The following MCTP1 variants were observed in gnomAD, a reference collection of about 807,000 sequenced individuals.
The protein encoded by MCTP1 is multiple C2 and transmembrane domain containing 1.
MCTP1 carries 69 observed loss-of-function variants against 120.6 expected under a neutral mutation model. The observed-to-expected ratio is 0.57, with a 90% CI of 0.47 to 0.70. The LOEUF is 0.70. Ranked by LOEUF, MCTP1 falls within the 30% of genes least tolerant of loss-of-function variation. MCTP1 has a pLI of 0.00. For synonymous variants in MCTP1, 529 were observed against 493.1 expected (o/e 1.07, Z -0.96); for missense variants, 1,203 against 1,248.8 (o/e 0.96, Z 0.55).
intron 1 of MCTP1, among the ~76,000 whole-genome samples, chr5:95,043,201 G>C (rs1357164160): frequency 6.6e-6 from 1 of 152,068 alleles, no homozygotes; most frequent in Non-Finnish European, 1.5e-5. Context: ...ATTTAACAAT[G>C]CATAGTTCAA....
chr5:94,946,266 T>C (rs1449481894), intron 3 of MCTP1, among the ~76,000 whole-genome samples: 1 of 152,146 alleles, frequency 6.6e-6, no homozygotes, highest in African/African-American at 2.4e-5. Context: ...TCAAGTCTAG[T>C]GGGGAAGCGT....
At position 95,084,154 on chromosome 5, in the gene MCTP1, C is replaced by T. The variant is rs143843576; in HGVS notation, c.721-66670G>A. On this transcript the variant is annotated intron_variant, in intron 1 of 22. Coordinates refer to ENST00000515393, the MANE Select transcript of MCTP1 (RefSeq NM_024717.7). ...GACAAAGAGAGATCAATGTTTTGCT[C>T]AGTTTATTACCTCCTGCATAAATCT... 1.5e-3 allele frequency among the ~76,000 whole-genome samples: 232 copies of T among 152,108 alleles called. 2 individuals carry two copies. Among genetic ancestry groups the T allele is most frequent in the Admixed American group, 3.0e-3 (46 of 15,272 alleles).
chr5:94,739,783 C>A (rs183196560), intron 19 of MCTP1, among the ~76,000 whole-genome samples: 85 of 152,264 alleles, frequency 5.6e-4, no homozygotes, highest in African/African-American at 2.0e-3. Flanking sequence ...TCCTGCCTCA[C>A]CACTCTCCCG....
intron 1 of MCTP1, among the ~76,000 whole-genome samples, chr5:95,275,511 T>C (rs117225005): frequency 4.6e-5 from 7 of 152,210 alleles, no homozygotes; most frequent in African/African-American, 1.4e-4. Context: ...CTGCTTTAGA[T>C]CAGTGTTATC....
At position 95,032,330 on chromosome 5, in the gene MCTP1, T is replaced by C. The variant is rs1840456560; in HGVS notation, c.721-14846A>G. ...GGAACATTTTCTAAAATTGACCACA[T>C]GCTTCGTCATAAAGCAAGTCCCAAT... On this transcript the variant is annotated intron_variant, in intron 1 of 22. Transcript: ENST00000515393. Among the ~76,000 whole-genome samples the C allele has an allele frequency of 2.6e-5, 4 of 152,134 alleles. No homozygotes were observed. The South Asian group carries it at 6.2e-4, about 24-fold the overall frequency.
intron 1 of MCTP1, among the ~76,000 whole-genome samples, chr5:95,241,707 AT>A (rs1756180147): frequency 6.6e-6 from 1 of 152,202 alleles, no homozygotes; most frequent in South Asian, 2.1e-4. Context: ...TCCTAAGAAA[AT>A]TGAAATCCTT....
chr5:94,941,384 T>C (rs1233846065), intron 4 of MCTP1, among the ~76,000 whole-genome samples: 3 of 152,056 alleles, frequency 2.0e-5, no homozygotes, highest in Non-Finnish European at 4.4e-5. Context: ...GGCTGCTCTT[T>C]TGTCCAGTCT....
chr5:95,196,078 G>A (rs188708859), intron 1 of MCTP1, among the ~76,000 whole-genome samples: 109 of 152,174 alleles, frequency 7.2e-4, no homozygotes, highest in Admixed American at 2.5e-3. Context: ...TATGTTTATC[G>A]CTACTAGGAG....
chr5:95,239,014 G>T (rs1582628589), intron 1 of MCTP1, among the ~76,000 whole-genome samples: 1 of 152,074 alleles, frequency 6.6e-6, no homozygotes, highest in South Asian at 2.1e-4. Context: ...AAAGCTTTTT[G>T]GCTATCATGC....
chr5:94,873,407 G>A (rs897711807), intron 12 of MCTP1, among the ~76,000 whole-genome samples, 166 bp from the exon 13 acceptor site: 6 of 151,980 alleles, frequency 3.9e-5, no homozygotes, highest in African/African-American at 1.4e-4. Context: ...AGAGTTAGAT[G>A]TAACTGGTTG....
At chr5:95,175,789 C>T (rs1299713284) in intron 1 of MCTP1, among the ~76,000 whole-genome samples, 1 of 152,194 alleles carries the variant, frequency 6.6e-6, no homozygotes, top group Non-Finnish European at 1.5e-5. Flanking sequence ...CCACTCACAC[C>T]TGCCAGGATG....
At position 94,996,828 on chromosome 5, in the gene MCTP1, C is replaced by T. The variant is rs578259153; in HGVS notation, c.838+20539G>A. ...CAATATAAATTACAATTCCATGATCCATAATTCACTTGAGACATGGATATT... is the reference window on the plus strand; with the variant it reads ...CAATATAAATTACAATTCCATGATCTATAATTCACTTGAGACATGGATATT... On this transcript the variant is annotated intron_variant, in intron 2 of 22. Coordinates refer to ENST00000515393, the MANE Select transcript of MCTP1 (RefSeq NM_024717.7). 3.9e-5 allele frequency among the ~76,000 whole-genome samples: 6 copies of T among 152,132 alleles called. No individual in the cohort carries two copies. In the East Asian group the frequency reaches 1.2e-3, roughly 29 times the overall value.
Position 95,278,856 on chromosome 5 carries a change from G to C in MCTP1, c.720+5000C>G, listed in dbSNP as rs976848001. Among the ~76,000 whole-genome samples the C allele has an allele frequency of 2.0e-5, 3 of 151,942 alleles. No homozygotes were observed. In the South Asian group the frequency reaches 6.2e-4, roughly 32 times the overall value. ...ACATGCCTGTAATCCGAGCTACTCG[G>C]GAGGCTGAGGTGGAAGAATTGCTTG... is the stretch of plus-strand genomic sequence containing the variant. On this transcript the variant is annotated intron_variant, in intron 1 of 22. Transcript: ENST00000515393.
At chr5:94,870,010 C>CAGGT in intron 16 of MCTP1, among the ~76,000 whole-genome samples, 2 of 152,226 alleles carry the variant, frequency 1.3e-5, no homozygotes, top group Admixed American at 6.5e-5. Context: ...TTTACACACA[C>CAGGT]CTGCATCATA....
At chr5:94,987,686 C>G (rs1281968426) in intron 2 of MCTP1, among the ~76,000 whole-genome samples, 2 of 152,176 alleles carry the variant, frequency 1.3e-5, no homozygotes, top group Non-Finnish European at 2.9e-5. Flanking sequence ...TCACCAGCAC[C>G]ACTGGCATGA....
At chr5:94,886,738 G>A (rs1175501412) in intron 12 of MCTP1, among the ~76,000 whole-genome samples, 1 of 152,152 alleles carries the variant, frequency 6.6e-6, no homozygotes, top group Admixed American at 6.5e-5. Context: ...TGTAGAGGCT[G>A]ACTGTTATTA....
chr5:95,162,680 A>G (rs1359736849), intron 1 of MCTP1, among the ~76,000 whole-genome samples: 1 of 152,208 alleles, frequency 6.6e-6, no homozygotes, highest in Non-Finnish European at 1.5e-5. Flanking sequence ...TCATTTTGGT[A>G]GCAAGGAAAA....
intron 1 of MCTP1, among the ~76,000 whole-genome samples, chr5:95,062,279 T>A (rs1224786372): frequency 1.3e-5 from 2 of 152,226 alleles, no homozygotes; most frequent in African/African-American, 4.8e-5. Context: ...TTCTTTATAT[T>A]TTCTATTGAA....
chr5:95,000,138 G>A (rs1833391370), intron 2 of MCTP1, among the ~76,000 whole-genome samples: 1 of 152,150 alleles, frequency 6.6e-6, no homozygotes, highest in Admixed American at 6.5e-5. Flanking sequence ...TGATGTTGCA[G>A]TATCCTAATG....
Sources: allele counts gnomAD v4.1 joint callset (sites outside exome capture counted in the v4.1 genomes callset), GRCh38; gene constraint gnomAD v4.1.1; transcripts MANE v1.5; gene names NCBI Gene and HGNC (gene_info 2026-07-23, HGNC 2026-07-21).